Variants in USP31 observed in about 807,000 individuals in gnomAD.
The protein encoded by USP31 is ubiquitin specific peptidase 31, also known as ubiquitin carboxyl-terminal hydrolase 31.
Under a neutral mutation model 119.4 loss-of-function variants are expected in USP31, and 44 were observed. That is an observed-to-expected ratio of 0.37 (90% CI 0.29 to 0.47). The LOEUF (loss-of-function observed/expected upper bound fraction) is 0.47. Among genes scored for constraint, USP31 ranks in the 20% least tolerant of loss-of-function variants. USP31 has a pLI of 0.99. For synonymous variants in USP31, 749 were observed against 705.6 expected, an observed-to-expected ratio of 1.06 and a Z score of -0.97; for missense variants, 1,643 against 1,730.2, an observed-to-expected ratio of 0.95 and a Z score of 0.89.
Position 23,069,266 on chromosome 16 carries a change from C to T in USP31, c.2839G>A (p.Gly947Ser). Reference protein sequence around the residue: ...VGRAPLAVMEGVFKDESDTRR... With the variant: ...VGRAPLAVMESVFKDESDTRR... ...GTGTCCGATTCGTCTTTGAACACGC[C>T]TTCCATGACAGCCAGAGGGGCCCGG... The change falls in exon 16 of 16, where the codon GGC (glycine) becomes AGC (serine). Residue 947 changes from glycine to serine, a missense_variant. This residue lies in a region of USP31 where 699 missense variants were observed against 650.9 expected (regional missense o/e 1.07). Transcript: ENST00000219689. 6.2e-7 allele frequency: 1 copy of T among 1,613,448 alleles called. No homozygotes were observed. Among genetic ancestry groups the T allele is most frequent in the East Asian group, 2.2e-5 (1 of 44,888 alleles).
At chr16:23,115,936 CCCAGGCT>C (rs915838329) in intron 1 of USP31, 3 of 271,430 alleles carry the variant, frequency 1.1e-5, no homozygotes, top group Non-Finnish European at 1.7e-5. Context: ...GTCGAAGCAT[CCCAGGCT>C]CCAGGGAAAA....
chr16:23,119,105 CTT>C (rs34893925), intron 1 of USP31, among the ~76,000 whole-genome samples: 38 of 143,836 alleles, frequency 2.6e-4, no homozygotes, highest in Non-Finnish European at 2.6e-4. Flanking sequence ...TTCTTTTTTT[CTT>C]TTTTTTTTTT....
chr16:23,141,987 G>T (rs1471492864), intron 1 of USP31, among the ~76,000 whole-genome samples: 2 of 152,184 alleles, frequency 1.3e-5, no homozygotes, highest in South Asian at 4.1e-4. Flanking sequence ...TTCCTCATCA[G>T]TACAACTTAA....
intron 9 of USP31, 109 bp from the exon 10 acceptor site, chr16:23,085,771 GA>G: frequency 2.0e-6 from 2 of 1,007,894 alleles, no homozygotes; most frequent in East Asian, 2.4e-5. Context: ...GGTGATTAAT[GA>G]AAATCTTCAT....
At position 23,123,665 on chromosome 16, in the gene USP31, C is replaced by T. The variant is rs1306655835; in HGVS notation, c.634-15482G>A. Among the ~76,000 whole-genome samples, 4 of 152,122 alleles carry T rather than the reference C, an allele frequency of 2.6e-5. No homozygotes were observed. The East Asian group carries it at 7.7e-4, about 29-fold the overall frequency. On this transcript the variant is annotated intron_variant, in intron 1 of 15. Transcript: ENST00000219689. ...AGTTTAGTTAAGTCTTATTTAGAGC[C>T]GATTCTATTTATCTAGTTACTTAAC...
intron 1 of USP31, among the ~76,000 whole-genome samples, chr16:23,133,682 T>C (rs1903098449): frequency 6.6e-6 from 1 of 152,208 alleles, no homozygotes; most frequent in Admixed American, 6.5e-5. Flanking sequence ...GCATTTTTAG[T>C]TGATATTTTG....
At chr16:23,110,571 T>C (rs940335657) in intron 1 of USP31, among the ~76,000 whole-genome samples, 4 of 151,962 alleles carry the variant, frequency 2.6e-5, no homozygotes, top group African/African-American at 9.7e-5. Flanking sequence ...CAGGAAAGAT[T>C]TTAAAGGCCA....
chr16:23,075,017 G>A (rs1435501274), intron 13 of USP31, among the ~76,000 whole-genome samples: 1 of 152,144 alleles, frequency 6.6e-6, no homozygotes, highest in East Asian at 1.9e-4. Context: ...CTCCTTCAAT[G>A]GGCCATAACC....
chr16:23,093,008 T>C (rs917944558), intron 6 of USP31, among the ~76,000 whole-genome samples: 1 of 152,208 alleles, frequency 6.6e-6, no homozygotes, highest in African/African-American at 2.4e-5. Flanking sequence ...GTTTGGTCCC[T>C]ACCTCATACA....
intron 1 of USP31, among the ~76,000 whole-genome samples, chr16:23,127,661 G>C (rs1049796467): frequency 2.2e-5 from 1 of 45,412 alleles, no homozygotes; most frequent in Non-Finnish European, 4.7e-5. Flanking sequence ...TTTTTTTTTT[G>C]TAGAGACGGG....
At chr16:23,079,645 G>A (rs991475027) in intron 13 of USP31, 8 of 253,748 alleles carry the variant, frequency 3.2e-5, no homozygotes, top group African/African-American at 1.1e-4. Context: ...TAGCAAAACC[G>A]TAAATGGGGA....
chr16:23,090,820 A>G lies in USP31; in HGVS notation c.1235-16T>C, dbSNP rs1161385971. The G allele has an allele frequency of 6.6e-7, 1 of 1,510,352 alleles. No individual in the cohort carries two copies. The highest frequency in any genetic ancestry group is 1.4e-5 in the African/African-American group (1 of 73,470). 93.6% of individuals were successfully genotyped at this position (1,510,352 alleles called of 1,614,324 possible). ...AAATGAATTCCTGAAACAGAATAAA[A>G]ACAACTCATTTTATCTCTTCAAAAT... On this transcript the variant is annotated splice_polypyrimidine_tract_variant and intron_variant, in intron 6 of 15. Coordinates refer to ENST00000219689, the MANE Select transcript of USP31 (RefSeq NM_020718.4).
chr16:23,070,461 C>A (rs1900297847), intron 15 of USP31, among the ~76,000 whole-genome samples: 1 of 152,104 alleles, frequency 6.6e-6, no homozygotes, highest in Admixed American at 6.5e-5. Flanking sequence ...TGCCTGTAAT[C>A]CCAGCACTTT....
At chr16:23,081,484 G>T (rs1254759578) in intron 12 of USP31, among the ~76,000 whole-genome samples, 1 of 152,166 alleles carries the variant, frequency 6.6e-6, no homozygotes, top group Non-Finnish European at 1.5e-5. Flanking sequence ...CGTCTCTACT[G>T]CCACAACCTA....
rs750086294 is a variant in USP31 at position 23,102,471 on chromosome 16, T to G, written c.1090-8A>C. 7 of 1,597,080 alleles carry G rather than the reference T, an allele frequency of 4.4e-6. No homozygotes were observed. The African/African-American group carries it at 9.5e-5, about 22-fold the overall frequency. On this transcript the variant is annotated splice_polypyrimidine_tract_variant and splice_region_variant and intron_variant, in intron 5 of 15. Transcript: ENST00000219689. ...CATTTCTGTTAACACAATCTAAAAA[T>G]AGGAAAAATGTAAACAGGTGGGTAA...
At position 23,148,888 on chromosome 16, in the gene USP31, G is replaced by A. The variant is rs1903616902; in HGVS notation, c.383C>T (p.Ala128Val). The A allele has an allele frequency of 6.9e-6, 10 of 1,456,186 alleles. No homozygotes were observed. The highest frequency in any genetic ancestry group is 8.2e-6 in the Non-Finnish European group (9 of 1,096,370). 90.2% of individuals were successfully genotyped at this position (1,456,186 alleles called of 1,614,324 possible). Residue 128 changes from alanine to valine, a missense_variant, in exon 1 of 16, where the codon GCG (alanine) becomes GTG (valine). By Grantham distance (64) the Ala-to-Val change is moderately conservative (BLOSUM62 0). Around this residue, in one of 5 missense-constraint regions of USP31, gnomAD observed 302 missense variants for 262.6 expected, o/e 1.15. Coordinates refer to ENST00000219689, the MANE Select transcript of USP31 (RefSeq NM_020718.4). The part of the protein sequence containing the change: ...ACAAEPVPGV[A>V]GLRNHGNTCF... The stretch of plus-strand genomic sequence containing the variant: ...CGTGTTGCCGTGGTTGCGGAGCCCC[G>A]CCACGCCGGGCACCGGCTCGGCGGC...
At chr16:23,109,156 T>C (rs548071431) in intron 1 of USP31, among the ~76,000 whole-genome samples, 1 of 152,342 alleles carries the variant, frequency 6.6e-6, no homozygotes, top group Non-Finnish European at 1.5e-5. Context: ...GATATTTATA[T>C]AAACTTGGGT....
chr16:23,085,522 G>A, intron 10 of USP31, 63 bp downstream of exon 10: 1 of 1,383,868 alleles, frequency 7.2e-7, no homozygotes, highest in South Asian at 1.2e-5. Flanking sequence ...CATATCAAAG[G>A]TGTGCTATAA....
chr16:23,069,714 G>C (rs576462212), intron 15 of USP31, 98 bp from the exon 16 acceptor site: 2 of 1,443,068 alleles, frequency 1.4e-6, no homozygotes, highest in Non-Finnish European at 1.8e-6. Flanking sequence ...AGCCTCATGG[G>C]ATGAAAGGAG....
Sources: allele counts gnomAD v4.1 joint callset (sites outside exome capture counted in the v4.1 genomes callset), GRCh38; gene constraint gnomAD v4.1.1; regional missense constraint gnomAD v4.1.1; transcripts MANE v1.5; gene names NCBI Gene and HGNC (gene_info 2026-07-23, HGNC 2026-07-21).